Variants in UGT1A6 observed in about 807,000 individuals in gnomAD.
UGT1A6 encodes UDP glucuronosyltransferase family 1 member A6.
In UGT1A6, 32 loss-of-function variants were observed where a neutral mutation model predicts 44.4. The observed-to-expected ratio is 0.72, with a 90% CI of 0.54 to 0.97. The LOEUF (loss-of-function observed/expected upper bound fraction) is 0.97. UGT1A6 is among the 50% of genes least tolerant of loss of function. The pLI, the probability that UGT1A6 is intolerant of heterozygous loss-of-function variation, is 0.00. For missense variants in UGT1A6, 685 were observed against 661.9 expected (o/e 1.03, Z -0.38); for synonymous variants, 238 against 248.5 (o/e 0.96, Z 0.40).
At chr2:233,768,583 T>C (rs2538830) in intron 4 of UGT1A6, 144 bp downstream of exon 4, 1 of 47,932 alleles carries the variant, frequency 2.1e-5, no homozygotes, top group Non-Finnish European at 2.6e-5. Flanking sequence ...TTATTTCTTC[T>C]TTTTTTTTTT....
rs1699505482 is a variant in UGT1A6, at chr2:233,767,840, C to T, written c.994-9C>T. The T allele has an allele frequency of 5.6e-6, 9 of 1,614,028 alleles. No homozygotes were observed. The highest frequency in any genetic ancestry group is 1.1e-5 in the South Asian group (1 of 91,070). ...TTTCTTTACGTTCTGCTCTTTTTGC[C>T]CCTCCCAGGTCCTGTGGCGGTACAC... On this transcript the variant is annotated splice_polypyrimidine_tract_variant and intron_variant, in intron 2 of 4. Coordinates refer to ENST00000305139, the MANE Select transcript of UGT1A6 (RefSeq NM_001072.4).
intron 1 of UGT1A6, among the ~76,000 whole-genome samples, chr2:233,756,782 T>C (rs754462005): frequency 2.0e-5 from 3 of 152,090 alleles, no homozygotes; most frequent in Non-Finnish European, 4.4e-5. Context: ...CTTTGATAAA[T>C]TGTGGGGCAA....
chr2:233,713,031 A>C, intron 1 of UGT1A6: 1 of 1,613,936 alleles, frequency 6.2e-7, no homozygotes, highest in South Asian at 1.1e-5. Flanking sequence ...GCAGCTGGCC[A>C]CAGGACTGCT....
At chr2:233,744,448 G>C (rs1692820883) in intron 1 of UGT1A6, among the ~76,000 whole-genome samples, 1 of 151,846 alleles carries the variant, frequency 6.6e-6, no homozygotes, top group African/African-American at 2.4e-5. Context: ...TACTGCATTA[G>C]AGATTAAAAC....
chr2:233,739,271 C>T lies in UGT1A6; in HGVS notation c.862-27763C>T, dbSNP rs541301086. ...GTGGTAAAGAAATGTGAGGTTGGAG[C>T]CCCCACACAGAGTCTCCACTGGGGC... On this transcript the variant is annotated intron_variant, in intron 1 of 4. Coordinates refer to ENST00000305139, the MANE Select transcript of UGT1A6 (RefSeq NM_001072.4). Among the ~76,000 whole-genome samples, 6 of 152,262 alleles carry T rather than the reference C, an allele frequency of 3.9e-5. No individual in the cohort carries two copies. The East Asian group carries it at 1.2e-3, about 29-fold the overall frequency.
At chr2:233,748,529 G>A (rs1353260497) in intron 1 of UGT1A6, among the ~76,000 whole-genome samples, 1 of 151,782 alleles carries the variant, frequency 6.6e-6, no homozygotes, top group Non-Finnish European at 1.5e-5. Context: ...ATGATAGAGA[G>A]GTGACCACAG....
chr2:233,730,014 C>G (rs1187658663), intron 1 of UGT1A6: 2 of 1,613,720 alleles, frequency 1.2e-6, no homozygotes, highest in Non-Finnish European at 1.7e-6. Context: ...GTGCCTTCAT[C>G]CAATCAATGT....
upstream of UGT1A6, chr2:233,691,708 C>G: frequency 1.1e-6 from 1 of 937,570 alleles, no homozygotes; most frequent in Non-Finnish European, 1.3e-6. Flanking sequence ...AGTCACTCCC[C>G]TGGCAGATGG....
chr2:233,771,547 G>A (rs1443760906), intron 4 of UGT1A6: 1 of 152,190 alleles, frequency 6.6e-6, no homozygotes, highest in Non-Finnish European at 1.5e-5. Context: ...ACTTACAAAT[G>A]GCTGTTAATT....
chr2:233,764,196 C>T (rs923801635), intron 1 of UGT1A6, among the ~76,000 whole-genome samples: 7 of 152,120 alleles, frequency 4.6e-5, no homozygotes, highest in African/African-American at 1.7e-4. Flanking sequence ...TCAGGGGCAT[C>T]TCATCTTTTC....
In UGT1A6 at chr2:233,694,973, C is replaced by T. The variant is rs45521138; in HGVS notation, c.861+1108C>T. Among the ~76,000 whole-genome samples, 1,213 of 152,278 alleles carry T rather than the reference C, an allele frequency of 8.0e-3. 9 individuals are homozygous for T. Among genetic ancestry groups the T allele is most frequent in the Non-Finnish European group, 0.011 (721 of 68,026 alleles). ...CCATCACCTTGAACATTTATTCCTT[C>T]CTTATGTTGGGAACATTCCCATTCT... On this transcript the variant is annotated intron_variant, in intron 1 of 4. Coordinates refer to ENST00000305139, the MANE Select transcript of UGT1A6 (RefSeq NM_001072.4).
At chr2:233,760,501 G>A (rs2125985080) in intron 1 of UGT1A6, 3 of 1,614,238 alleles carry the variant, frequency 1.9e-6, no homozygotes, top group Non-Finnish European at 2.5e-6. Flanking sequence ...CAGAGACGGA[G>A]CATTTTACAC....
chr2:233,700,609 T>TG (rs34100835), intron 1 of UGT1A6, among the ~76,000 whole-genome samples: 57 of 152,266 alleles, frequency 3.7e-4, no homozygotes, highest in African/African-American at 1.1e-3. Context: ...ACTCTTTTTT[T>TG]GGGGGGGTTC....
intron 1 of UGT1A6, among the ~76,000 whole-genome samples, chr2:233,702,130 C>T (rs1460341129): frequency 2.0e-5 from 3 of 152,142 alleles, no homozygotes; most frequent in South Asian, 2.1e-4. Context: ...CATTTTCAGT[C>T]ACTCCCAAAG....
chr2:233,754,977 T>C (rs754870869), intron 1 of UGT1A6: 1 of 1,298,334 alleles, frequency 7.7e-7, no homozygotes, highest in Non-Finnish European at 1.0e-6. Context: ...CCTGAAGACC[T>C]CGGCGGGGTC....
At chr2:233,698,027 C>G (rs1346477159) in intron 1 of UGT1A6, among the ~76,000 whole-genome samples, 1 of 152,070 alleles carries the variant, frequency 6.6e-6, no homozygotes, top group East Asian at 1.9e-4. Context: ...TACCAATTAT[C>G]TTATTTTTTC....
chr2:233,701,523 C>T (rs1205561473), intron 1 of UGT1A6, among the ~76,000 whole-genome samples: 2 of 152,142 alleles, frequency 1.3e-5, no homozygotes, highest in African/African-American at 4.8e-5. Context: ...CTCTCCACCC[C>T]AAATCAACAG....
intron 1 of UGT1A6, among the ~76,000 whole-genome samples, chr2:233,727,486 G>T (rs2077620182): frequency 6.6e-6 from 1 of 152,192 alleles, no homozygotes; most frequent in Non-Finnish European, 1.5e-5. Flanking sequence ...ACTACTTGGA[G>T]GTAGAACATG....
chr2:233,694,052 C>T (rs1175368411), intron 1 of UGT1A6, among the ~76,000 whole-genome samples, 187 bp downstream of exon 1: 2 of 152,128 alleles, frequency 1.3e-5, no homozygotes, highest in African/African-American at 2.4e-5. Flanking sequence ...CAGAGGCATT[C>T]GGATGAAGAC....
Sources: allele counts gnomAD v4.1 joint callset (sites outside exome capture counted in the v4.1 genomes callset), GRCh38; gene constraint gnomAD v4.1.1; transcripts MANE v1.5; gene names NCBI Gene and HGNC (gene_info 2026-07-23, HGNC 2026-07-21).